CRISP1: variants seen among roughly 807,000 people sequenced by gnomAD.
CRISP1 encodes cysteine rich secretory protein 1, also known as cysteine-rich secretory protein 1.
Under a neutral mutation model 33.1 loss-of-function variants are expected in CRISP1, and 44 were observed. The observed-to-expected ratio is 1.33, with a 90% CI of 1.05 to 1.71. The LOEUF is 1.71. CRISP1 is among the 40% of genes most tolerant of loss of function. The pLI is 0.00. For missense variants in CRISP1, 390 were observed against 301.2 expected (o/e 1.29, Z -2.18); for synonymous variants, 103 against 98.7 (o/e 1.04, Z -0.26).
At chr6:49,858,423 G>C (rs919060132) in intron 1 of CRISP1, among the ~76,000 whole-genome samples, 4 of 152,142 alleles carry the variant, frequency 2.6e-5, no homozygotes, top group African/African-American at 9.7e-5. Context: ...CTTTTAAAGA[G>C]CAAGTTAACA....
chr6:49,863,248 T>G (rs1771702793), intron 1 of CRISP1, among the ~76,000 whole-genome samples: 1 of 152,162 alleles, frequency 6.6e-6, no homozygotes, highest in Admixed American at 6.6e-5. Flanking sequence ...CAGACTGAGA[T>G]ACTAAGCCCT....
At chr6:49,858,917 A>G (rs528871884) in intron 1 of CRISP1, among the ~76,000 whole-genome samples, 16 of 152,256 alleles carry the variant, frequency 1.1e-4, no homozygotes, top group Non-Finnish European at 1.5e-4. Context: ...TAGACCATCT[A>G]GTATTCAACA....
intron 1 of CRISP1, among the ~76,000 whole-genome samples, chr6:49,858,286 A>G (rs1376321179): frequency 6.6e-6 from 1 of 152,212 alleles, no homozygotes; most frequent in East Asian, 1.9e-4. Context: ...GATATTAATA[A>G]GTATAGATTA....
chr6:49,859,426 C>T (rs1389437495), intron 1 of CRISP1, among the ~76,000 whole-genome samples: 1 of 151,342 alleles, frequency 6.6e-6, no homozygotes, highest in Non-Finnish European at 1.5e-5. Context: ...AAACATCCAC[C>T]TATGGATACT....
rs75497227 is a variant in CRISP1, at chr6:49,861,169, A to G, written c.-2-3767T>C. Among the ~76,000 whole-genome samples the G allele has an allele frequency of 7.6e-3, 1,165 of 152,320 alleles. 14 individuals are homozygous for G. Among genetic ancestry groups the G allele is most frequent in the African/African-American group, 0.026 (1,077 of 41,580 alleles). On this transcript the variant is annotated intron_variant, in intron 1 of 7. Coordinates refer to ENST00000335847, the MANE Select transcript of CRISP1 (RefSeq NM_001131.3). Reference sequence around the variant, plus strand: ...GCTGAATTCTACCGAATCTTCAAAGATGAACTAACACCTATTCTTCTCAAA... The same window carrying G: ...GCTGAATTCTACCGAATCTTCAAAGGTGAACTAACACCTATTCTTCTCAAA...
intron 1 of CRISP1, among the ~76,000 whole-genome samples, chr6:49,858,679 T>G (rs559406237): frequency 6.6e-6 from 1 of 152,274 alleles, no homozygotes; most frequent in African/African-American, 2.4e-5. Context: ...ATTTCAAGAT[T>G]TATCGTAATA....
chr6:49,850,436 C>A (rs1207920621), intron 3 of CRISP1, among the ~76,000 whole-genome samples: 1 of 151,936 alleles, frequency 6.6e-6, no homozygotes, highest in Non-Finnish European at 1.5e-5. Context: ...CGTACCAAAG[C>A]TCTGAATTCC....
chr6:49,843,278 G>C (rs1314205267), intron 5 of CRISP1, among the ~76,000 whole-genome samples: 1 of 152,114 alleles, frequency 6.6e-6, no homozygotes. Context: ...CATACCCTTT[G>C]TGTCTAAGTG....
At chr6:49,864,277 C>A (rs1008457451) in intron 1 of CRISP1, among the ~76,000 whole-genome samples, 11 of 151,864 alleles carry the variant, frequency 7.2e-5, no homozygotes, top group Admixed American at 3.3e-4. Flanking sequence ...TTAATTTAAT[C>A]ATTCTATTAT....
intron 2 of CRISP1, among the ~76,000 whole-genome samples, chr6:49,856,517 A>G (rs1463587369): frequency 6.6e-6 from 1 of 152,160 alleles, no homozygotes; most frequent in Non-Finnish European, 1.5e-5. Flanking sequence ...CTGGGGAAGA[A>G]GAGTGAGTAA....
chr6:49,848,771 T>C (rs964345386), intron 3 of CRISP1, among the ~76,000 whole-genome samples: 1 of 152,116 alleles, frequency 6.6e-6, no homozygotes, highest in Non-Finnish European at 1.5e-5. Flanking sequence ...ATGCTGGCTG[T>C]GATTAGAAGC....
intron 2 of CRISP1, among the ~76,000 whole-genome samples, chr6:49,852,846 TTGTG>T (rs3056388): frequency 0.038 from 5,562 of 145,426 alleles, 186 homozygotes; most frequent in African/African-American, 0.094. Context: ...AAGAGAATCT[TTGTG>T]TGTGTGTGTG....
upstream of CRISP1, among the ~76,000 whole-genome samples, chr6:49,868,240 G>T (rs73425890): frequency 3.3e-3 from 498 of 152,296 alleles, 3 homozygotes; most frequent in African/African-American, 0.011. Context: ...ATGGGTGCCA[G>T]TTGGCTGTTT....
upstream of CRISP1, among the ~76,000 whole-genome samples, chr6:49,869,536 G>A (rs1339835147): frequency 1.3e-5 from 2 of 152,116 alleles, no homozygotes; most frequent in Admixed American, 6.6e-5. Context: ...CCTGGAAGTT[G>A]CCATCATACA....
At chr6:49,840,837 T>C (rs1005078834) in intron 6 of CRISP1, 61 bp downstream of exon 6, 40 of 1,338,214 alleles carry the variant, frequency 3.0e-5, no homozygotes, top group Non-Finnish European at 3.9e-5. Flanking sequence ...AAAACAATGT[T>C]TGAAAAACTA....
intron 1 of CRISP1, among the ~76,000 whole-genome samples, chr6:49,873,455 T>C (rs1350737295): frequency 6.6e-6 from 1 of 152,088 alleles, no homozygotes; most frequent in African/African-American, 2.4e-5. Context: ...GGCAGCCAGG[T>C]CCTAGCATAA....
At chr6:49,867,952 G>T (rs1771836419), upstream of CRISP1, among the ~76,000 whole-genome samples, 1 of 152,138 alleles carries the variant, frequency 6.6e-6, no homozygotes, top group South Asian at 2.1e-4. Context: ...TTATATATTA[G>T]AAATGTATAA....
chr6:49,858,141 AT>A (rs1582277560), intron 1 of CRISP1, among the ~76,000 whole-genome samples: 1 of 152,194 alleles, frequency 6.6e-6, no homozygotes, highest in South Asian at 2.1e-4. Flanking sequence ...GCTACTACTA[AT>A]TTATGTAAGT....
intron 1 of CRISP1, among the ~76,000 whole-genome samples, chr6:49,859,855 G>T (rs1018102883): frequency 6.6e-6 from 1 of 152,056 alleles, no homozygotes; most frequent in South Asian, 2.1e-4. Context: ...ACTGTATTCT[G>T]TCTATAAGAA....
Sources: gnomAD v4.1 joint callset for allele counts (sites outside exome capture counted in the v4.1 genomes callset) on GRCh38, gnomAD v4.1.1 for gene constraint, MANE v1.5 for transcripts, NCBI Gene and HGNC (gene_info 2026-07-23, HGNC 2026-07-21) for gene names.